The following TSHR variants were observed in gnomAD, a reference collection of about 807,000 sequenced individuals.
TSHR encodes thyrotropin receptor.
A neutral mutation model predicts 64.1 loss-of-function variants in TSHR; 51 were observed. That is an observed-to-expected ratio of 0.80 (90% CI 0.64 to 1.01). The LOEUF (loss-of-function observed/expected upper bound fraction) is 1.01. Among genes scored for constraint, TSHR ranks in the 50% least tolerant of loss-of-function variants. The pLI is 0.00. For missense variants in TSHR, 877 were observed against 942.8 expected (o/e 0.93, Z 0.91); for synonymous variants, 361 against 361.9 (o/e 1.00, Z 0.03).
intron 1 of TSHR, among the ~76,000 whole-genome samples, chr14:81,040,477 T>C (rs116622332): frequency 0.017 from 2,597 of 152,064 alleles, 49 homozygotes; most frequent in South Asian, 0.052. Context: ...TACATCAAAC[T>C]AAAAACTTCT....
chr14:81,114,807 T>A (rs1890414408), intron 8 of TSHR, among the ~76,000 whole-genome samples: 1 of 152,170 alleles, frequency 6.6e-6, no homozygotes, highest in Admixed American at 6.5e-5. Flanking sequence ...AGAGCCGTGG[T>A]TCTACCAGCA....
chr14:80,995,924 G>A (rs931428834), intron 1 of TSHR, among the ~76,000 whole-genome samples: 3 of 151,940 alleles, frequency 2.0e-5, no homozygotes, highest in Admixed American at 1.3e-4. Context: ...TAAGTTTTGG[G>A]GTAGTCAAAA....
intron 3 of TSHR, among the ~76,000 whole-genome samples, chr14:81,079,848 C>A (rs1452671266): frequency 6.7e-6 from 1 of 148,198 alleles, no homozygotes; most frequent in Admixed American, 6.6e-5. Context: ...GAATGAGACC[C>A]CTAGCTCAAA....
intron 1 of TSHR, among the ~76,000 whole-genome samples, chr14:81,004,588 T>C (rs1889496974): frequency 6.6e-6 from 1 of 152,204 alleles, no homozygotes; most frequent in African/African-American, 2.4e-5. Flanking sequence ...TACAAAAATC[T>C]ATTTATTTAC....
At position 81,139,883 on chromosome 14, in the gene TSHR, C is replaced by T; in HGVS notation, c.881+16C>T. The T allele has an allele frequency of 2.5e-6, 4 of 1,613,946 alleles. No individual in the cohort carries two copies. Among genetic ancestry groups the T allele is most frequent in the Non-Finnish European group, 3.4e-6 (4 of 1,179,910 alleles). ...AAATCAGAGGGTAAGTGGCAGGGAC[C>T]CGGCATAAGTGACAAAAGACCTTGG... On this transcript the variant is annotated intron_variant, in intron 9 of 9. Transcript: ENST00000298171.
rs1462578093 is a variant in TSHR at position 81,105,330 on chromosome 14, T to C, written c.615-3045T>C. On this transcript the variant is annotated intron_variant, in intron 7 of 9. Transcript: ENST00000298171. ...ATATGTATTTCCCCTCCCCACTGTC[T>C]TGACTTCAGATGGAAGGCAAGAGCA... is the stretch of plus-strand genomic sequence containing the variant. 3 of 745,858 alleles carry C rather than the reference T, an allele frequency of 4.0e-6. No individual in the cohort carries two copies. In the African/African-American group the frequency reaches 5.7e-5, roughly 14 times the overall value. 46.2% of individuals were successfully genotyped at this position (745,858 alleles called of 1,614,324 possible). A position where few individuals can be genotyped will look rare whatever the true frequency, so the allele number is the denominator to read the frequency against.
At chr14:81,075,654 C>T (rs1334500372) in intron 3 of TSHR, among the ~76,000 whole-genome samples, 1 of 126,286 alleles carries the variant, frequency 7.9e-6, no homozygotes, top group Non-Finnish European at 1.6e-5. Flanking sequence ...CCTCCCCCCA[C>T]CCCACAATGT....
At chr14:80,962,968 A>G (rs1435461823) in intron 1 of TSHR, among the ~76,000 whole-genome samples, 4 of 152,228 alleles carry the variant, frequency 2.6e-5, no homozygotes, top group East Asian at 3.8e-4. Context: ...ATGCAAAATT[A>G]TAGAAAAGTT....
intron 8 of TSHR, among the ~76,000 whole-genome samples, chr14:81,112,369 C>G (rs1487416011): frequency 6.6e-6 from 1 of 152,134 alleles, no homozygotes; most frequent in Non-Finnish European, 1.5e-5. Context: ...CATTTCTCTC[C>G]TTAGCTCACT....
intron 9 of TSHR, among the ~76,000 whole-genome samples, chr14:81,140,083 A>G (rs1891622853): frequency 6.6e-6 from 1 of 152,202 alleles, no homozygotes; most frequent in Non-Finnish European, 1.5e-5. Context: ...ATAGCGGTAG[A>G]GCAGAGGAGG....
intron 1 of TSHR, among the ~76,000 whole-genome samples, chr14:81,058,927 C>T (rs966907491): frequency 5.9e-5 from 9 of 151,956 alleles, no homozygotes; most frequent in Admixed American, 1.3e-4. Flanking sequence ...AAAGAACATC[C>T]AGCCCCTTGC....
chr14:81,008,167 C>G, intron 1 of TSHR, among the ~76,000 whole-genome samples: 1 of 126,782 alleles, frequency 7.9e-6, no homozygotes, highest in East Asian at 2.2e-4. Flanking sequence ...AGACCATTTT[C>G]TTTCTTTCTT....
chr14:81,046,163 A>G (rs1040985676), intron 1 of TSHR, among the ~76,000 whole-genome samples: 3 of 152,342 alleles, frequency 2.0e-5, no homozygotes, highest in East Asian at 3.9e-4. Flanking sequence ...TTACTTCCAT[A>G]ATCAGGGAGA....
intron 7 of TSHR, among the ~76,000 whole-genome samples, chr14:81,105,842 C>A (rs1213384426): frequency 6.6e-6 from 1 of 152,232 alleles, no homozygotes; most frequent in African/African-American, 2.4e-5. Context: ...AGAATGTGAT[C>A]TGCAAGCTGC....
At chr14:81,051,041 C>G (rs988247439) in intron 1 of TSHR, 36 of 154,378 alleles carry the variant, frequency 2.3e-4, no homozygotes, top group Middle Eastern at 6.6e-3. Context: ...GAATTTCTTT[C>G]AAAATTGGAG....
intron 1 of TSHR, among the ~76,000 whole-genome samples, chr14:81,027,758 A>C (rs1884144000): frequency 6.6e-6 from 1 of 152,242 alleles, no homozygotes; most frequent in Non-Finnish European, 1.5e-5. Context: ...AAGTCATTTT[A>C]AATTTAAAAC....
intron 1 of TSHR, among the ~76,000 whole-genome samples, chr14:81,049,235 A>G (rs1444403464): frequency 6.6e-6 from 1 of 152,184 alleles, no homozygotes; most frequent in Non-Finnish European, 1.5e-5. Flanking sequence ...CTACCATAGC[A>G]ACCCCAGCAC....
chr14:80,987,740 G>A (rs1423895550), intron 1 of TSHR, among the ~76,000 whole-genome samples: 1 of 152,032 alleles, frequency 6.6e-6, no homozygotes, highest in African/African-American at 2.4e-5. Flanking sequence ...CTTCACTGCC[G>A]CTGTTTCTTC....
At chr14:81,105,071 C>A in intron 7 of TSHR, 1 of 985,348 alleles carries the variant, frequency 1.0e-6, no homozygotes, top group Middle Eastern at 5.2e-4. Context: ...CTTCTCCTTG[C>A]AAGGGATAGT....
Sources: allele counts gnomAD v4.1 joint callset (sites outside exome capture counted in the v4.1 genomes callset), GRCh38; gene constraint gnomAD v4.1.1; transcripts MANE v1.5; gene names NCBI Gene and HGNC (gene_info 2026-07-23, HGNC 2026-07-21).